Variants in KCNH1 observed in about 807,000 individuals in gnomAD.
KCNH1 encodes the protein potassium voltage-gated channel subfamily H member 1.
KCNH1 carries 27 observed loss-of-function variants against 69.2 expected under a neutral mutation model. The observed-to-expected ratio is 0.39, with a 90% CI of 0.29 to 0.54. The LOEUF (loss-of-function observed/expected upper bound fraction) is 0.54. Ranked by LOEUF, KCNH1 falls within the 20% of genes least tolerant of loss-of-function variation. The probability of loss-of-function intolerance (pLI) is 0.68; values close to 1 mark genes in which losing one functional copy is unlikely to be tolerated. For missense variants in KCNH1, 798 were observed against 1,261.6 expected (o/e 0.63, Z 5.57); for synonymous variants, 456 against 487.7 (o/e 0.93, Z 0.86).
intron 10 of KCNH1, among the ~76,000 whole-genome samples, chr1:210,749,922 T>C (rs1351594849): frequency 6.6e-6 from 1 of 152,158 alleles, no homozygotes; most frequent in East Asian, 1.9e-4. Context: ...TTTGTATTTT[T>C]AGTAGAGATG....
At chr1:211,046,719 T>C (rs952081052) in intron 5 of KCNH1, among the ~76,000 whole-genome samples, 1 of 152,144 alleles carries the variant, frequency 6.6e-6, no homozygotes, top group Non-Finnish European at 1.5e-5. Context: ...GTACCTCACA[T>C]ACAAAATACA....
chr1:211,078,576 C>A (rs1256551127), intron 5 of KCNH1, among the ~76,000 whole-genome samples: 1 of 152,066 alleles, frequency 6.6e-6, no homozygotes, highest in Non-Finnish European at 1.5e-5. Flanking sequence ...CCAATGAGAA[C>A]AAAGACACAA....
At chr1:210,913,585 C>G (rs1501567) in intron 7 of KCNH1, among the ~76,000 whole-genome samples, 94,591 of 152,008 alleles carry the variant, frequency 0.62, 29,838 homozygotes, top group East Asian at 0.8. Context: ...ACAGCCCAAA[C>G]CACAGAGCAT....
At chr1:211,009,326 G>A (rs537440436) in intron 6 of KCNH1, among the ~76,000 whole-genome samples, 10 of 152,288 alleles carry the variant, frequency 6.6e-5, no homozygotes, top group African/African-American at 2.4e-4. Flanking sequence ...AAAGAGAAGA[G>A]AAAAAGCAGA....
chr1:211,063,268 G>T (rs1690465879), intron 5 of KCNH1: 1 of 152,158 alleles, frequency 6.6e-6, no homozygotes, highest in South Asian at 2.1e-4. Context: ...AACTCATGAA[G>T]ATAGGGTAGA....
At chr1:210,878,359 CACATGG>C (rs1259834545) in intron 7 of KCNH1, among the ~76,000 whole-genome samples, 1 of 151,892 alleles carries the variant, frequency 6.6e-6, no homozygotes, top group Non-Finnish European at 1.5e-5. Flanking sequence ...TTCTCAAGCT[CACATGG>C]AACATTCACC....
At chr1:210,766,695 G>A (rs997126553) in intron 10 of KCNH1, among the ~76,000 whole-genome samples, 1 of 152,122 alleles carries the variant, frequency 6.6e-6, no homozygotes, top group African/African-American at 2.4e-5. Flanking sequence ...GCACAGGCAG[G>A]GTAAAGACCA....
intron 7 of KCNH1, among the ~76,000 whole-genome samples, chr1:210,839,186 A>G (rs1263240098): frequency 6.6e-6 from 1 of 152,192 alleles, no homozygotes; most frequent in Admixed American, 6.5e-5. Context: ...CAGACTGGAT[A>G]AAGAAAATGT....
At chr1:210,993,097 C>G (rs1374191699) in intron 6 of KCNH1, among the ~76,000 whole-genome samples, 1 of 152,176 alleles carries the variant, frequency 6.6e-6, no homozygotes, top group Admixed American at 6.5e-5. Context: ...GCTTGCCCAA[C>G]CCTCCCTGCT....
At chr1:210,763,814 A>G (rs757479019) in intron 10 of KCNH1, among the ~76,000 whole-genome samples, 2 of 152,144 alleles carry the variant, frequency 1.3e-5, no homozygotes, top group Non-Finnish European at 2.9e-5. Flanking sequence ...CAGATTCAAC[A>G]CTATTCCTAT....
chr1:211,109,031 C>T (rs1420172833), intron 1 of KCNH1, among the ~76,000 whole-genome samples: 1 of 152,162 alleles, frequency 6.6e-6, no homozygotes, highest in Admixed American at 6.5e-5. Flanking sequence ...GGCTGCGTCT[C>T]AGAGGGGATA....
At chr1:210,797,856 G>C in intron 8 of KCNH1, 96 bp from the exon 9 acceptor site, 3 of 1,389,714 alleles carry the variant, frequency 2.2e-6, no homozygotes, top group Non-Finnish European at 2.0e-6. Flanking sequence ...CATCCACTAC[G>C]CCAGACTGCA....
At chr1:210,845,549 C>A (rs1164310971) in intron 7 of KCNH1, among the ~76,000 whole-genome samples, 3 of 152,162 alleles carry the variant, frequency 2.0e-5, no homozygotes, top group African/African-American at 7.2e-5. Context: ...TAAACACTCT[C>A]AATAAACTAG....
At chr1:210,897,361 T>G (rs539997617) in intron 7 of KCNH1, among the ~76,000 whole-genome samples, 61 of 152,238 alleles carry the variant, frequency 4.0e-4, no homozygotes, top group African/African-American at 1.4e-3. Flanking sequence ...CTTAAAAATC[T>G]TTAAAACCAA....
At chr1:211,022,879 A>C (rs1403914425) in intron 5 of KCNH1, among the ~76,000 whole-genome samples, 1 of 152,120 alleles carries the variant, frequency 6.6e-6, no homozygotes, top group Non-Finnish European at 1.5e-5. Flanking sequence ...TGGGAGGCCG[A>C]GGAGGGTGGA....
intron 5 of KCNH1, among the ~76,000 whole-genome samples, chr1:211,048,247 G>C (rs1341336329): frequency 4.6e-5 from 7 of 152,194 alleles, no homozygotes. Context: ...ATGTTAACTA[G>C]TACAATCACT....
chr1:210,850,474 G>T (rs1227579291), intron 7 of KCNH1, among the ~76,000 whole-genome samples: 1 of 152,174 alleles, frequency 6.6e-6, no homozygotes. Flanking sequence ...TCCTGTCACC[G>T]CACTCCAGCC....
chr1:210,974,016 T>C (rs768671885), intron 6 of KCNH1, among the ~76,000 whole-genome samples: 19 of 152,128 alleles, frequency 1.2e-4, no homozygotes, highest in Non-Finnish European at 2.6e-4. Context: ...AGAGTATGAG[T>C]TTGTCAGTTT....
chr1:210,889,662 T>G (rs1445618954), intron 7 of KCNH1, among the ~76,000 whole-genome samples: 1 of 152,184 alleles, frequency 6.6e-6, no homozygotes, highest in African/African-American at 2.4e-5. Context: ...AACCCCATCA[T>G]CTCAGCCCAA....
Sources: gnomAD v4.1 joint callset for allele counts (sites outside exome capture counted in the v4.1 genomes callset) on GRCh38, gnomAD v4.1.1 for gene constraint, MANE v1.5 for transcripts, NCBI Gene and HGNC (gene_info 2026-07-23, HGNC 2026-07-21) for gene names.